Variants in OPHN1 observed in about 807,000 individuals in gnomAD.
OPHN1 encodes the protein oligophrenin-1.
In OPHN1, 11 loss-of-function variants were observed where a neutral mutation model predicts 60.7. That is an observed-to-expected ratio of 0.18 (90% confidence interval 0.11 to 0.30). OPHN1 has a LOEUF of 0.30. OPHN1 is among the 10% of genes least tolerant of loss of function. The pLI is 1.00. For synonymous variants in OPHN1, 226 were observed against 222.6 expected, an observed-to-expected ratio of 1.02 and a Z score of -0.14; for missense variants, 449 against 611.0, an observed-to-expected ratio of 0.73 and a Z score of 2.80.
At position 68,132,916 on chromosome X, in the gene OPHN1, C is replaced by T. The variant is rs2077203518; in HGVS notation, c.1277-13584G>A. 1.1e-5 allele frequency: 4 copies of T among 365,037 alleles called. No individual in the cohort carries two copies. In the Admixed American group the frequency reaches 1.8e-4, roughly 16 times the overall value. 30.1% of individuals were successfully genotyped at this position (365,037 alleles called of 1,213,427 possible). ...GCCCATGGACTTCGGTACAAAGCTG[C>T]TGAGTCCCTGCTTCCCCGAAGCAGC... On this transcript the variant is annotated intron_variant, in intron 15 of 24. Transcript: ENST00000355520.
rs779831221 is a variant in OPHN1 at position 68,206,537 on chromosome X, T to C, written c.933+36A>G. 9.0e-6 allele frequency: 9 copies of C among 1,000,402 alleles called. No individual in the cohort carries two copies. In the South Asian group the frequency reaches 1.5e-4, roughly 17 times the overall value. The allele number at this position is 1,000,402 out of a possible 1,213,427, so 82.4% of individuals were successfully genotyped here. A position where few individuals can be genotyped will look rare whatever the true frequency, so the allele number is the denominator to read the frequency against. On this transcript the variant is annotated intron_variant, in intron 10 of 24. Coordinates refer to ENST00000355520, the MANE Select transcript of OPHN1 (RefSeq NM_002547.3). ...TTCTTTTCTGAGAAACAGTCATAGATCCATTTCCAAAAATATGGTGCAAAC... is the reference window on the plus strand; with the variant it reads ...TTCTTTTCTGAGAAACAGTCATAGACCCATTTCCAAAAATATGGTGCAAAC...
At chrX:68,384,386 A>G (rs2078613408) in intron 2 of OPHN1, among the ~76,000 whole-genome samples, 1 of 112,054 alleles carries the variant, frequency 8.9e-6, no homozygotes, top group East Asian at 2.8e-4. Flanking sequence ...AAAACATCAG[A>G]ATAACCATGG....
At chrX:68,213,692 G>T (rs1214837029) in intron 7 of OPHN1, among the ~76,000 whole-genome samples, 170 bp downstream of exon 7, 1 of 110,718 alleles carries the variant, frequency 9.0e-6, no homozygotes, top group Non-Finnish European at 1.9e-5. Flanking sequence ...GGGAAAGAGA[G>T]AAAAAAAGTA....
chrX:68,076,462 C>G (rs919900578), intron 19 of OPHN1, among the ~76,000 whole-genome samples: 1 of 109,892 alleles, frequency 9.1e-6, no homozygotes, highest in Admixed American at 9.7e-5. Context: ...TAAAAAATTT[C>G]AATTCATAGT....
intron 5 of OPHN1, among the ~76,000 whole-genome samples, chrX:68,253,127 C>T (rs1489745320): frequency 1.8e-5 from 2 of 111,651 alleles, no homozygotes; most frequent in African/African-American, 6.5e-5. Context: ...AAAATACACC[C>T]CTTGATTTTC....
rs767571092 is a variant in OPHN1, at chrX:68,379,822, C to G, written c.154+53045G>C. 7.7e-5 allele frequency among the ~76,000 whole-genome samples: 8 copies of G among 103,682 alleles called. No homozygotes were observed. The East Asian group carries it at 1.7e-3, about 23-fold the overall frequency. The allele number at this position is 103,682 out of a possible 115,157, so 90.0% of individuals were successfully genotyped here. On this transcript the variant is annotated intron_variant, in intron 2 of 24. Coordinates refer to ENST00000355520, the MANE Select transcript of OPHN1 (RefSeq NM_002547.3). ...ATAAGCTTTTTGATGTGCTGGATTC[C>G]GTTTGCCAGTATTTTATTGAGGATT...
chrX:68,116,606 C>T (rs2077128204), intron 16 of OPHN1, among the ~76,000 whole-genome samples: 1 of 111,201 alleles, frequency 9.0e-6, no homozygotes, highest in Non-Finnish European at 1.9e-5. Context: ...TAGTTCAAGC[C>T]CTGAACTCAT....
chrX:68,071,556 G>A (rs2076934710), intron 20 of OPHN1: 2 of 595,574 alleles, frequency 3.4e-6, no homozygotes. Context: ...GTCAGGCATA[G>A]GGACACCATC....
At chrX:68,053,930 T>G in intron 21 of OPHN1, 120 bp from the exon 22 acceptor site, 1 of 703,816 alleles carries the variant, frequency 1.4e-6, no homozygotes, top group Non-Finnish European at 2.1e-6. Flanking sequence ...TTCTTCTTGG[T>G]GACTAACAAC....
At chrX:68,351,873 CTTT>C (rs58051308) in intron 2 of OPHN1, among the ~76,000 whole-genome samples, 1 of 29,552 alleles carries the variant, frequency 3.4e-5, no homozygotes, top group Admixed American at 4.4e-4. Context: ...ATTTTTTTTT[CTTT>C]TTTTTTTTTT....
intron 19 of OPHN1, among the ~76,000 whole-genome samples, chrX:68,087,582 C>T: frequency 8.9e-6 from 1 of 111,956 alleles, no homozygotes; most frequent in Non-Finnish European, 1.9e-5. Flanking sequence ...CCAAGAGATC[C>T]AGACCCATTC....
At chrX:68,245,482 G>C (rs2077801196) in intron 5 of OPHN1, among the ~76,000 whole-genome samples, 1 of 111,867 alleles carries the variant, frequency 8.9e-6, no homozygotes, top group Non-Finnish European at 1.9e-5. Flanking sequence ...CTTCTTTCAA[G>C]AGTGGAGTCT....
chrX:68,356,244 A>C (rs73537300), intron 2 of OPHN1, among the ~76,000 whole-genome samples: 1,229 of 110,245 alleles, frequency 0.011, 19 homozygotes, highest in African/African-American at 0.039. Context: ...CAATCAGTTG[A>C]AGGCTTAAAT....
intron 2 of OPHN1, among the ~76,000 whole-genome samples, chrX:68,308,086 C>T (rs756093403): frequency 4.5e-5 from 5 of 112,126 alleles, no homozygotes; most frequent in Non-Finnish European, 9.4e-5. Context: ...GAGTTTTAGT[C>T]TTGCCTCTGG....
intron 2 of OPHN1, among the ~76,000 whole-genome samples, chrX:68,392,993 C>T (rs1219546920): frequency 1.8e-5 from 2 of 112,069 alleles, no homozygotes; most frequent in African/African-American, 6.5e-5. Flanking sequence ...CACACTGGCC[C>T]TCTGCCCTTG....
At chrX:68,425,655 T>G (rs965313633) in intron 2 of OPHN1, among the ~76,000 whole-genome samples, 3 of 63,440 alleles carry the variant, frequency 4.7e-5, no homozygotes, top group Non-Finnish European at 7.6e-5. Flanking sequence ...GCAAAGAATG[T>G]AAGACAGTGA....
At chrX:68,063,375 G>T (rs751966662) in intron 21 of OPHN1, among the ~76,000 whole-genome samples, 1 of 110,117 alleles carries the variant, frequency 9.1e-6, no homozygotes, top group African/African-American at 3.3e-5. Flanking sequence ...ACAAAAATTA[G>T]CCGGGCATGG....
Position 68,377,376 on chromosome X carries a change from G to C in OPHN1, c.154+55491C>G, listed in dbSNP as rs1302559186. On this transcript the variant is annotated intron_variant, in intron 2 of 24. Coordinates refer to ENST00000355520, the MANE Select transcript of OPHN1 (RefSeq NM_002547.3). ...CTCCCAAAGTGCTGGGATTACAGGTGTGAGCCACTGCACCCAGCCTTCTCT... is the reference window on the plus strand; with the variant it reads ...CTCCCAAAGTGCTGGGATTACAGGTCTGAGCCACTGCACCCAGCCTTCTCT... 4.6e-5 allele frequency among the ~76,000 whole-genome samples: 5 copies of C among 109,384 alleles called. No homozygotes were observed. In the Admixed American group the frequency reaches 5.0e-4, roughly 11 times the overall value. The allele number at this position is 109,384 out of a possible 115,157, so 95.0% of individuals were successfully genotyped here.
chrX:68,374,001 T>C (rs980037393), intron 2 of OPHN1, among the ~76,000 whole-genome samples: 1 of 111,630 alleles, frequency 9.0e-6, no homozygotes, highest in Non-Finnish European at 1.9e-5. Flanking sequence ...TGCTAAAATG[T>C]CTAGAAGAAA....
Sources: allele counts gnomAD v4.1 joint callset (sites outside exome capture counted in the v4.1 genomes callset), GRCh38; gene constraint gnomAD v4.1.1; transcripts MANE v1.5; gene names NCBI Gene and HGNC (gene_info 2026-07-23, HGNC 2026-07-21).